Variants in SENP1 observed in about 807,000 individuals in gnomAD.
SENP1 encodes sentrin-specific protease 1.
Under a neutral mutation model 93.0 loss-of-function variants are expected in SENP1, and 21 were observed. The ratio of observed to expected loss-of-function variants is 0.23; its 90% CI spans 0.16 to 0.33. The LOEUF (loss-of-function observed/expected upper bound fraction) is 0.33, where lower values mean the gene tolerates loss of function less well. Among genes scored for constraint, SENP1 ranks in the 10% least tolerant of loss-of-function variants. SENP1 has a pLI of 1.00. For synonymous variants in SENP1, 256 were observed against 259.6 expected, an observed-to-expected ratio of 0.99 and a Z score of 0.13; for missense variants, 591 against 758.7, an observed-to-expected ratio of 0.78 and a Z score of 2.60.
intron 12 of SENP1, among the ~76,000 whole-genome samples, chr12:48,064,356 G>C (rs569496053): frequency 6.6e-6 from 1 of 152,060 alleles, no homozygotes; most frequent in African/African-American, 2.4e-5. Context: ...GAGAAGTATG[G>C]ATAAAGAAAC....
chr12:48,060,791 G>A (rs1331556311), intron 13 of SENP1, among the ~76,000 whole-genome samples: 1 of 152,076 alleles, frequency 6.6e-6, no homozygotes, highest in Non-Finnish European at 1.5e-5. Flanking sequence ...CCCTTAATTA[G>A]ATATTTCTAT....
chr12:48,102,600 T>C (rs1946026341), intron 1 of SENP1, among the ~76,000 whole-genome samples: 1 of 151,944 alleles, frequency 6.6e-6, no homozygotes, highest in Non-Finnish European at 1.5e-5. Flanking sequence ...CTTATAACCA[T>C]ATTTTTAAAA....
chr12:48,092,182 G>A (rs1945266856), intron 4 of SENP1, among the ~76,000 whole-genome samples: 1 of 152,056 alleles, frequency 6.6e-6, no homozygotes, highest in Non-Finnish European at 1.5e-5. Flanking sequence ...CCTGGTGAAG[G>A]AGGGGACAGC....
intron 2 of SENP1, among the ~76,000 whole-genome samples, chr12:48,100,101 T>C (rs1380567574): frequency 1.3e-5 from 2 of 152,152 alleles, no homozygotes; most frequent in Non-Finnish European, 2.9e-5. Context: ...AATGTGAATG[T>C]AAAAGGAACA....
chr12:48,071,342 A>C (rs1448177386), intron 9 of SENP1, among the ~76,000 whole-genome samples: 1 of 151,060 alleles, frequency 6.6e-6, no homozygotes, highest in Non-Finnish European at 1.5e-5. Context: ...TAGGCCAGGC[A>C]TGGTGGCTCA....
chr12:48,078,340 C>CCCAT (rs1944273929), intron 6 of SENP1, among the ~76,000 whole-genome samples: 1 of 84,160 alleles, frequency 1.2e-5, no homozygotes, highest in African/African-American at 4.2e-5. Context: ...TATATACACA[C>CCCAT]ACATATATAT....
Position 48,091,122 on chromosome 12 carries a change from AC to A in SENP1, c.221-2163del, listed in dbSNP as rs1484723014. ...CAAATTTTCTGCAGGGACAAGCAAT[AC>A]TTTTATGAATATAATAAACTTCATA... On this transcript the variant is annotated intron_variant, in intron 4 of 17. Coordinates refer to ENST00000549518, the MANE Select transcript of SENP1 (RefSeq NM_001267594.2). Among the ~76,000 whole-genome samples, 5 of 152,282 alleles carry A rather than the reference AC, an allele frequency of 3.3e-5. No individual in the cohort carries two copies. In the East Asian group the frequency reaches 9.6e-4, roughly 29 times the overall value.
chr12:48,101,415 T>A (rs1945926434), intron 2 of SENP1, 54 bp downstream of exon 2: 5 of 1,464,770 alleles, frequency 3.4e-6, no homozygotes, highest in African/African-American at 1.4e-5. Context: ...ATTCTTTCAC[T>A]ACAGCTTAAC....
chr12:48,074,819 A>G lies in SENP1; in HGVS notation c.553-26T>C, dbSNP rs60536184. ...CTATAAGAAAACAAAAAAAAAAAAC[A>G]GTTTAAACACATCCAATAAGGCAAG... On this transcript the variant is annotated intron_variant, in intron 6 of 17. Coordinates refer to ENST00000549518, the MANE Select transcript of SENP1 (RefSeq NM_001267594.2). 8,160 of 1,411,796 alleles carry G rather than the reference A, an allele frequency of 5.8e-3. 356 individuals carry two copies. The African/African-American group carries it at 0.099, about 17-fold the overall frequency. The allele number at this position is 1,411,796 out of a possible 1,614,324, so 87.5% of individuals were successfully genotyped here. A position where few individuals can be genotyped will look rare whatever the true frequency, so the allele number is the denominator to read the frequency against.
chr12:48,084,447 GTTTTT>G (rs5798059), intron 5 of SENP1, among the ~76,000 whole-genome samples: 32 of 109,450 alleles, frequency 2.9e-4, no homozygotes, highest in Admixed American at 5.4e-4. Context: ...CTAATTTTGA[GTTTTT>G]TTTTTTTTTT....
At chr12:48,046,098 G>A (rs1038011962) in intron 17 of SENP1, among the ~76,000 whole-genome samples, 1 of 152,184 alleles carries the variant, frequency 6.6e-6, no homozygotes, top group African/African-American at 2.4e-5. Context: ...AGGTAGAGGA[G>A]ACAGGCAGAG....
rs199882529 is a variant in SENP1, at chr12:48,085,917, G to GT, written c.381-2156dup. On this transcript the variant is annotated intron_variant, in intron 5 of 17. Coordinates refer to ENST00000549518, the MANE Select transcript of SENP1 (RefSeq NM_001267594.2). ...CCAGAGTATGCGTGCGCCTATGCAT[G>GT]TTTTTTTTAACATAAAAGATTACTC... 1.7e-3 allele frequency among the ~76,000 whole-genome samples: 265 copies of GT among 151,920 alleles called. 4 individuals are homozygous for GT. The highest frequency in any genetic ancestry group is 5.5e-3 in the African/African-American group (227 of 41,434).
At chr12:48,079,806 C>T (rs1362790344) in intron 6 of SENP1, among the ~76,000 whole-genome samples, 1 of 151,930 alleles carries the variant, frequency 6.6e-6, no homozygotes, top group African/African-American at 2.4e-5. Flanking sequence ...AAATTACCAC[C>T]AATAACTTTA....
intron 6 of SENP1, among the ~76,000 whole-genome samples, chr12:48,082,535 T>C (rs1565787698): frequency 6.6e-6 from 1 of 151,554 alleles, no homozygotes; most frequent in Non-Finnish European, 1.5e-5. Context: ...AAAACAATAA[T>C]ACACGTGGAA....
intron 9 of SENP1, among the ~76,000 whole-genome samples, chr12:48,068,649 T>C (rs1027646144): frequency 6.6e-6 from 1 of 152,122 alleles, no homozygotes; most frequent in Non-Finnish European, 1.5e-5. Context: ...AAGAGAGCAC[T>C]TCAGGCTATC....
rs1328179272 is a variant in SENP1 at position 48,042,906 on chromosome 12, G to GA, written c.*2415dup. 6.6e-6 allele frequency: 1 copy of GA among 151,850 alleles called. No individual in the cohort carries two copies. Among genetic ancestry groups the GA allele is most frequent in the African/African-American group, 2.4e-5 (1 of 41,368 alleles). 9.4% of individuals were successfully genotyped at this position (151,850 alleles called of 1,614,324 possible). A position where few individuals can be genotyped will look rare whatever the true frequency, so the allele number is the denominator to read the frequency against. ...ACACAGGAGAAAGGGGAACACAGGAGAAAAAAGTCTTATTTAGTTTAAAGT... is the reference window on the plus strand; with the variant it reads ...ACACAGGAGAAAGGGGAACACAGGAGAAAAAAAGTCTTATTTAGTTTAAAGT... On this transcript the variant is annotated 3_prime_UTR_variant, in exon 18 of 18. Transcript: ENST00000549518.
At chr12:48,101,447 T>C in intron 2 of SENP1, 22 bp downstream of exon 2, 2 of 1,588,274 alleles carry the variant, frequency 1.3e-6, no homozygotes, top group East Asian at 4.5e-5. Flanking sequence ...GCTAAAAGGA[T>C]TCAACAGCTA....
chr12:48,067,473 T>C (rs1943379369), intron 9 of SENP1, among the ~76,000 whole-genome samples: 1 of 152,244 alleles, frequency 6.6e-6, no homozygotes, highest in Non-Finnish European at 1.5e-5. Context: ...GTGGCTCTGC[T>C]GACAACCCAA....
At chr12:48,083,839 T>A in intron 5 of SENP1, 77 bp from the exon 6 acceptor site, 2 of 1,109,234 alleles carry the variant, frequency 1.8e-6, no homozygotes, top group South Asian at 3.2e-5. Context: ...ATTTTCACTT[T>A]CAAAATATAA....
Sources: allele counts gnomAD v4.1 joint callset (sites outside exome capture counted in the v4.1 genomes callset), GRCh38; gene constraint gnomAD v4.1.1; transcripts MANE v1.5; gene names NCBI Gene and HGNC (gene_info 2026-07-23, HGNC 2026-07-21).